CSMD1: variants seen among roughly 807,000 people sequenced by gnomAD.
CSMD1 encodes the protein CUB and sushi domain-containing protein 1.
CSMD1 carries 213 observed loss-of-function variants against 417.5 expected under a neutral mutation model. The ratio of observed to expected loss-of-function variants is 0.51; its 90% CI spans 0.46 to 0.57. The LOEUF (loss-of-function observed/expected upper bound fraction) is 0.57. CSMD1 is among the 20% of genes least tolerant of loss of function. The probability of loss-of-function intolerance (pLI) is 0.00; values close to 1 mark genes in which losing one functional copy is unlikely to be tolerated. For missense variants in CSMD1, 6,923 were observed against 4,529.7 expected (o/e 1.53, Z -15.17); for synonymous variants, 2,862 against 1,736.8 (o/e 1.65, Z -16.11).
chr8:3,498,772 C>T (rs530709301), intron 10 of CSMD1, among the ~76,000 whole-genome samples: 1 of 152,126 alleles, frequency 6.6e-6, no homozygotes, highest in South Asian at 2.1e-4. Flanking sequence ...TTGATCTAGT[C>T]TGTTGTTGAA....
At chr8:4,004,589 G>C (rs994321917) in intron 4 of CSMD1, among the ~76,000 whole-genome samples, 1 of 151,280 alleles carries the variant, frequency 6.6e-6, no homozygotes, top group African/African-American at 2.4e-5. Context: ...TATTTATTTG[G>C]GATTTTCCTT....
chr8:3,387,507 C>A lies in CSMD1; in HGVS notation c.2769G>T (p.Leu923Phe). ...CERNHQWNHA[L>F]PSCDALCGGY... ...AGCTGTACCTACCGTCGCAGCTGGG[C>A]AAGGCGTGGTTCCACTGGTGGTTCC... The change falls in exon 18 of 70, where the codon TTG becomes TTT. Residue 923 changes from leucine to phenylalanine, a missense_variant. Transcript: ENST00000635120. 1 of 1,600,454 alleles carries A rather than the reference C, an allele frequency of 6.2e-7. No homozygotes were observed. Among genetic ancestry groups the A allele is most frequent in the Non-Finnish European group, 8.5e-7 (1 of 1,173,420 alleles).
chr8:3,986,668 G>C (rs186741881), intron 5 of CSMD1, among the ~76,000 whole-genome samples: 7 of 150,298 alleles, frequency 4.7e-5, no homozygotes, highest in Admixed American at 4.6e-4. Flanking sequence ...GAGATATGAG[G>C]GACAGAGTGA....
At chr8:4,396,435 CT>C (rs1279068655) in intron 3 of CSMD1, among the ~76,000 whole-genome samples, 12 of 152,170 alleles carry the variant, frequency 7.9e-5, no homozygotes, top group Non-Finnish European at 1.6e-4. Context: ...CCACTGAACT[CT>C]AGCCTGGTGG....
intron 3 of CSMD1, among the ~76,000 whole-genome samples, chr8:4,295,529 CAT>C (rs1376022960): frequency 9.1e-4 from 130 of 142,896 alleles, no homozygotes; most frequent in African/African-American, 3.3e-3. Context: ...ATATATATTA[CAT>C]ATATTATAAA....
At chr8:4,898,557 G>C (rs771680840) in intron 1 of CSMD1, among the ~76,000 whole-genome samples, 1 of 152,146 alleles carries the variant, frequency 6.6e-6, no homozygotes, top group Non-Finnish European at 1.5e-5. Flanking sequence ...TTAAATCCAA[G>C]GGTGAGCATG....
intron 5 of CSMD1, among the ~76,000 whole-genome samples, chr8:3,987,962 G>T (rs959240985): frequency 1.4e-4 from 21 of 152,132 alleles, no homozygotes; most frequent in African/African-American, 5.1e-4. Context: ...CACAACAAAG[G>T]AAACTGCTCA....
At chr8:3,260,325 C>T (rs1180859237) in intron 26 of CSMD1, among the ~76,000 whole-genome samples, 1 of 152,074 alleles carries the variant, frequency 6.6e-6, no homozygotes. Context: ...TTGGGTGTTG[C>T]AGGATCAATG....
intron 1 of CSMD1, among the ~76,000 whole-genome samples, chr8:4,804,118 C>T (rs1377670208): frequency 2.0e-5 from 3 of 152,200 alleles, no homozygotes; most frequent in East Asian, 3.9e-4. Context: ...TCCACAATAA[C>T]GAGAAACTAT....
At chr8:4,194,252 G>C (rs1440917136) in intron 3 of CSMD1, among the ~76,000 whole-genome samples, 1 of 152,014 alleles carries the variant, frequency 6.6e-6, no homozygotes, top group Admixed American at 6.5e-5. Context: ...CACCAAATGA[G>C]GAGTGAATTT....
intron 6 of CSMD1, among the ~76,000 whole-genome samples, chr8:3,710,871 C>T (rs1334922572): frequency 6.6e-6 from 1 of 152,074 alleles, no homozygotes; most frequent in Non-Finnish European, 1.5e-5. Flanking sequence ...AACCTTTCCA[C>T]GTGGGCTACT....
chr8:4,947,267 G>T (rs1808431077), intron 1 of CSMD1, among the ~76,000 whole-genome samples: 1 of 152,142 alleles, frequency 6.6e-6, no homozygotes, highest in African/African-American at 2.4e-5. Context: ...CCTTGGCAAT[G>T]ATATAATAAA....
rs2720835 is a variant in CSMD1 at position 3,740,421 on chromosome 8, A to G, written c.931+13509T>C. Among the ~76,000 whole-genome samples the G allele has an allele frequency of 4.1e-3, 622 of 152,358 alleles. 22 individuals are homozygous for G. In the East Asian group the frequency reaches 0.076, roughly 19 times the overall value. On this transcript the variant is annotated intron_variant, in intron 6 of 69. Coordinates refer to ENST00000635120, the MANE Select transcript of CSMD1 (RefSeq NM_033225.6). ...AAATGCAATGCTGAATAAGAGCCAA[A>G]TGCCTGGTACAGAAAAATAGGTAGA...
intron 3 of CSMD1, among the ~76,000 whole-genome samples, chr8:4,081,595 C>G (rs145662013): frequency 3.3e-5 from 5 of 152,246 alleles, no homozygotes; most frequent in Non-Finnish European, 7.4e-5. Context: ...TACCCAACCA[C>G]TGCAGAATAC....
At chr8:3,230,620 A>T in intron 26 of CSMD1, among the ~76,000 whole-genome samples, 1 of 152,200 alleles carries the variant, frequency 6.6e-6, no homozygotes, top group South Asian at 2.1e-4. Flanking sequence ...AACCTCAAGG[A>T]AAACAAAATA....
At chr8:4,391,017 T>A (rs1399007898) in intron 3 of CSMD1, among the ~76,000 whole-genome samples, 1 of 152,210 alleles carries the variant, frequency 6.6e-6, no homozygotes, top group Non-Finnish European at 1.5e-5. Context: ...GAATTCATTT[T>A]ATCCTAAGAA....
chr8:3,219,135 G>C (rs889976521), intron 29 of CSMD1, 120 bp downstream of exon 29: 8 of 740,210 alleles, frequency 1.1e-5, no homozygotes, highest in African/African-American at 1.8e-5. Flanking sequence ...CCCAGACAGA[G>C]GAGACACATA....
At chr8:3,173,606 T>G (rs555284300) in intron 37 of CSMD1, among the ~76,000 whole-genome samples, 7 of 152,354 alleles carry the variant, frequency 4.6e-5, no homozygotes, top group African/African-American at 1.4e-4. Flanking sequence ...TGAAGATTAG[T>G]TATTACACTA....
At chr8:4,200,048 A>G (rs1585009804) in intron 3 of CSMD1, among the ~76,000 whole-genome samples, 1 of 152,218 alleles carries the variant, frequency 6.6e-6, no homozygotes, top group African/African-American at 2.4e-5. Context: ...AAAATCCTGA[A>G]TGATTAGCTC....
Sources: allele counts gnomAD v4.1 joint callset (sites outside exome capture counted in the v4.1 genomes callset), GRCh38; gene constraint gnomAD v4.1.1; transcripts MANE v1.5; gene names NCBI Gene and HGNC (gene_info 2026-07-23, HGNC 2026-07-21).